EHBP1: variants seen among roughly 807,000 people sequenced by gnomAD.
EHBP1 encodes EH domain binding protein 1, also known as EH domain-binding protein 1.
In EHBP1, 55 loss-of-function variants were observed where a neutral mutation model predicts 144.0. The ratio of observed to expected loss-of-function variants is 0.38; its 90% CI spans 0.31 to 0.48. The LOEUF (loss-of-function observed/expected upper bound fraction) is 0.48, where lower values mean the gene tolerates loss of function less well. Ranked by LOEUF, EHBP1 falls within the 20% of genes least tolerant of loss-of-function variation. EHBP1 has a pLI of 0.98. For missense variants in EHBP1, 1,200 were observed against 1,364.2 expected (o/e 0.88, Z 1.90); for synonymous variants, 469 against 472.7 (o/e 0.99, Z 0.10).
In EHBP1 at chr2:63,045,151, C is replaced by G; in HGVS notation, c.3363C>G (p.Leu1121=). 1 of 1,594,728 alleles carries G rather than the reference C, an allele frequency of 6.3e-7. No homozygotes were observed. The highest frequency in any genetic ancestry group is 8.5e-7 in the Non-Finnish European group (1 of 1,170,150). ...LVALVNKRDA[L]VRDLDAQEKQ... is the part of the protein sequence containing the mutation. ...CCCTGGTGAACAAGCGCGATGCGCTCGTCAGGGACCTGGACGCGCAGGAGA... is the reference window on the plus strand; with the variant it reads ...CCCTGGTGAACAAGCGCGATGCGCTGGTCAGGGACCTGGACGCGCAGGAGA... The change falls in exon 22 of 23, where the codon CTC becomes CTG. Residue 1121 remains leucine (L), a synonymous_variant. Transcript: ENST00000431489. The surrounding 1 kb of genome is among the most constrained non-coding windows in gnomAD (Gnocchi z 5.7).
intron 10 of EHBP1, among the ~76,000 whole-genome samples, chr2:62,896,828 G>T (rs1463597156): frequency 2.0e-5 from 3 of 151,848 alleles, no homozygotes; most frequent in African/African-American, 7.3e-5. Flanking sequence ...TTCTATCTCT[G>T]TCCTTTGAAA....
chr2:62,791,468 T>G (rs2043163544), intron 5 of EHBP1, among the ~76,000 whole-genome samples: 1 of 152,052 alleles, frequency 6.6e-6, no homozygotes, highest in Admixed American at 6.6e-5. Context: ...TTTTAAAATC[T>G]AAAATCCCAC....
chr2:62,943,569 C>T (rs2056899009), intron 11 of EHBP1, among the ~76,000 whole-genome samples: 1 of 152,076 alleles, frequency 6.6e-6, no homozygotes, highest in Admixed American at 6.6e-5. Flanking sequence ...CTGCCTTAAC[C>T]TCTCTTTTAG....
chr2:62,738,209 C>T lies in EHBP1; in HGVS notation c.105-9186C>T, dbSNP rs531215342. On this transcript the variant is annotated intron_variant, in intron 2 of 22. Transcript: ENST00000431489. ...TTTGGTAGGTGAGGATTTAGCCCTC[C>T]TATCATATCCTCCCTGAAGCATACT... 7.9e-5 allele frequency among the ~76,000 whole-genome samples: 12 copies of T among 152,236 alleles called. No individual in the cohort carries two copies. The South Asian group carries it at 1.2e-3, about 16-fold the overall frequency.
intron 5 of EHBP1, among the ~76,000 whole-genome samples, chr2:62,775,924 A>G (rs1341711146): frequency 6.6e-6 from 1 of 152,228 alleles, no homozygotes; most frequent in Non-Finnish European, 1.5e-5. Flanking sequence ...AAGAAAGATG[A>G]AAAGAGATCA....
chr2:62,952,054 T>C (rs2057421458), intron 13 of EHBP1, among the ~76,000 whole-genome samples: 1 of 152,202 alleles, frequency 6.6e-6, no homozygotes, highest in African/African-American at 2.4e-5. Flanking sequence ...CCCCTTTAGC[T>C]GTGAAACTAT....
chr2:63,008,632 T>C (rs1291413921), intron 19 of EHBP1, among the ~76,000 whole-genome samples: 1 of 151,060 alleles, frequency 6.6e-6, no homozygotes, highest in African/African-American at 2.4e-5. Flanking sequence ...CTTTTTTTTT[T>C]TCTTATTTGG....
At chr2:63,002,713 G>A (rs1183693606) in intron 19 of EHBP1, among the ~76,000 whole-genome samples, 2 of 152,030 alleles carry the variant, frequency 1.3e-5, no homozygotes, top group Non-Finnish European at 2.9e-5. Context: ...AAAGTACAGA[G>A]TAGTCTAATT....
chr2:62,941,529 G>T (rs1035983397), intron 10 of EHBP1, among the ~76,000 whole-genome samples: 18 of 152,056 alleles, frequency 1.2e-4, no homozygotes, highest in Non-Finnish European at 8.8e-5. Flanking sequence ...TATTTTAGTG[G>T]TGTTTCTTAG....
chr2:62,720,390 C>G (rs1392860010), intron 2 of EHBP1, among the ~76,000 whole-genome samples: 1 of 152,128 alleles, frequency 6.6e-6, no homozygotes, highest in African/African-American at 2.4e-5. Flanking sequence ...TTCTGTTTTA[C>G]TAGTCTTCTT....
At chr2:62,820,292 C>T (rs557116059) in intron 5 of EHBP1, among the ~76,000 whole-genome samples, 9 of 150,936 alleles carry the variant, frequency 6.0e-5, no homozygotes, top group African/African-American at 2.2e-4. Flanking sequence ...ATTTTATTTC[C>T]TTATATAAAA....
At chr2:62,775,764 A>G (rs2152388319) in intron 5 of EHBP1, among the ~76,000 whole-genome samples, 1 of 152,290 alleles carries the variant, frequency 6.6e-6, no homozygotes, top group African/African-American at 2.4e-5. Flanking sequence ...GTCAGATATA[A>G]CCCTATTTTA....
intron 19 of EHBP1, among the ~76,000 whole-genome samples, chr2:63,023,001 C>G (rs530915428): frequency 6.6e-6 from 1 of 152,220 alleles, no homozygotes; most frequent in Admixed American, 6.5e-5. Context: ...TGTCAGAACC[C>G]TATCTCTACT....
rs1013997136 is a variant in EHBP1, at chr2:62,990,964, G to T, written c.2733+124G>T. 14 of 1,244,912 alleles carry T rather than the reference G, an allele frequency of 1.1e-5. No individual in the cohort carries two copies. The Admixed American group carries it at 2.3e-4, about 20-fold the overall frequency. 77.1% of individuals were successfully genotyped at this position (1,244,912 alleles called of 1,614,324 possible). ...CACCAATATTAAGATTAGGGTATAA[G>T]AAATTTTTACTGGTGAGGTGTGGTG... On this transcript the variant is annotated intron_variant, in intron 16 of 22. Transcript: ENST00000431489.
At chr2:63,020,343 A>G (rs1369326178) in intron 19 of EHBP1, among the ~76,000 whole-genome samples, 17 of 150,546 alleles carry the variant, frequency 1.1e-4, no homozygotes, top group Admixed American at 4.0e-4. Flanking sequence ...AAAAAAAAAA[A>G]AAAGAAAACA....
At chr2:62,785,542 TAGTC>T (rs1425046401) in intron 5 of EHBP1, among the ~76,000 whole-genome samples, 2 of 152,128 alleles carry the variant, frequency 1.3e-5, no homozygotes, top group Non-Finnish European at 2.9e-5. Context: ...AATTTGCTCT[TAGTC>T]AGTATAGAGA....
chr2:62,943,029 G>T, intron 11 of EHBP1, 133 bp downstream of exon 11: 1 of 662,764 alleles, frequency 1.5e-6, no homozygotes, highest in Non-Finnish European at 2.4e-6. Flanking sequence ...GCTTTTGAGA[G>T]ATATATGTCA....
At chr2:62,693,257 A>G (rs1010939032) in intron 1 of EHBP1, among the ~76,000 whole-genome samples, 12 of 152,040 alleles carry the variant, frequency 7.9e-5, no homozygotes, top group African/African-American at 2.7e-4. Context: ...TAATCCATTC[A>G]TCTGTTGACG....
intron 10 of EHBP1, among the ~76,000 whole-genome samples, chr2:62,939,391 A>G (rs1403890273): frequency 2.0e-5 from 3 of 152,106 alleles, no homozygotes; most frequent in Non-Finnish European, 4.4e-5. Context: ...CTCCTGCCTC[A>G]GCCTCCCTAG....
Sources: gnomAD v4.1 joint callset for allele counts (sites outside exome capture counted in the v4.1 genomes callset) on GRCh38, gnomAD v4.1.1 for gene constraint, Gnocchi (gnomAD v3.1) non-coding constraint, MANE v1.5 for transcripts, NCBI Gene and HGNC (gene_info 2026-07-23, HGNC 2026-07-21) for gene names.